Variants in ELFN2 observed in about 807,000 individuals in gnomAD.
ELFN2 encodes the protein extracellular leucine rich repeat and fibronectin type III domain containing 2.
ELFN2 carries 17 observed loss-of-function variants against 45.5 expected under a neutral mutation model. The observed-to-expected ratio is 0.37, with a 90% CI of 0.26 to 0.56. The LOEUF (loss-of-function observed/expected upper bound fraction) is 0.56. ELFN2 is among the 20% of genes least tolerant of loss of function. The pLI is 0.77. For synonymous variants in ELFN2, 550 were observed against 551.5 expected (o/e 1.00, Z 0.04); for missense variants, 922 against 1,183.2 (o/e 0.78, Z 3.24).
At chr22:37,403,467 G>T (rs73884041) in intron 2 of ELFN2, among the ~76,000 whole-genome samples, 2,959 of 152,236 alleles carry the variant, frequency 0.019, 101 homozygotes, top group African/African-American at 0.068. Flanking sequence ...TCTGGGTCCC[G>T]GTTGCCTGGG....
chr22:37,344,959 C>G (rs1930660382), intron 1 of ELFN2, among the ~76,000 whole-genome samples: 1 of 152,170 alleles, frequency 6.6e-6, no homozygotes, highest in African/African-American at 2.4e-5. Flanking sequence ...CGTTCTCTTC[C>G]CTGCTGTCAG....
At chr22:37,406,856 C>T (rs76389630) in intron 2 of ELFN2, among the ~76,000 whole-genome samples, 3,051 of 152,202 alleles carry the variant, frequency 0.02, 120 homozygotes, top group African/African-American at 0.071. Context: ...ATGAAGGAGA[C>T]GTGGTCAGAA....
chr22:37,413,699 T>A (rs1331237682), intron 2 of ELFN2, among the ~76,000 whole-genome samples: 1 of 152,200 alleles, frequency 6.6e-6, no homozygotes, highest in Non-Finnish European at 1.5e-5. Context: ...ATCCCCATTT[T>A]ACAGACAAGT....
Position 37,407,000 on chromosome 22 carries a change from T to C in ELFN2, c.-463+10769A>G, listed in dbSNP as rs527536196. On this transcript the variant is annotated intron_variant, in intron 2 of 2. Transcript: ENST00000402918. ...GAGAGGCCCAGAACAGGTGCCCCAG[T>C]AGGCATGCAGCCCATGGCCTTGGCC... 3.3e-5 allele frequency among the ~76,000 whole-genome samples: 5 copies of C among 152,342 alleles called. No individual in the cohort carries two copies. In the East Asian group the frequency reaches 9.6e-4, roughly 29 times the overall value.
chr22:37,376,834 G>A (rs1339424818), intron 2 of ELFN2, among the ~76,000 whole-genome samples: 1 of 152,230 alleles, frequency 6.6e-6, no homozygotes, highest in Non-Finnish European at 1.5e-5. Context: ...GAGGGGGCCA[G>A]CCTTCTGGAG....
chr22:37,386,189 G>C (rs1007078161), intron 2 of ELFN2, among the ~76,000 whole-genome samples: 2 of 152,148 alleles, frequency 1.3e-5, no homozygotes, highest in African/African-American at 4.8e-5. Flanking sequence ...AGCTGGCCTA[G>C]CCTAGGTGCT....
At chr22:37,349,201 G>A (rs749037476) in intron 1 of ELFN2, among the ~76,000 whole-genome samples, 2 of 151,186 alleles carry the variant, frequency 1.3e-5, no homozygotes, top group Non-Finnish European at 3.0e-5. Context: ...TCCCAGCCCC[G>A]CCACTTAGCT....
At chr22:37,345,837 C>T (rs1048031531) in intron 1 of ELFN2, among the ~76,000 whole-genome samples, 4 of 152,216 alleles carry the variant, frequency 2.6e-5, no homozygotes, top group African/African-American at 7.2e-5. Context: ...TGAGCCACCA[C>T]ACCCGGCCAT....
intron 1 of ELFN2, among the ~76,000 whole-genome samples, chr22:37,423,110 C>T (rs1932822455): frequency 6.6e-6 from 1 of 152,120 alleles, no homozygotes; most frequent in South Asian, 2.1e-4. Context: ...AGATACTGAT[C>T]CTGGGGCAAC....
rs763083 is a variant in ELFN2 at position 37,370,027 on chromosome 22, G to A, written c.*3045C>T. ...GGGACACAGATGCAGGCCAGCCTCC[G>A]GGTGGGCTCTCCCCAAGCTGAGCAG... On this transcript the variant is annotated 3_prime_UTR_variant, in exon 3 of 3. Transcript: ENST00000402918. The A allele has an allele frequency of 0.32, 48,590 of 152,090 alleles. 8,052 individuals carry two copies. The highest frequency in any genetic ancestry group is 0.49 in the South Asian group (2,344 of 4,822). 9.4% of individuals were successfully genotyped at this position (152,090 alleles called of 1,614,324 possible).
At chr22:37,352,199 GTTA>G (rs1460356723) in intron 1 of ELFN2, 3 of 151,034 alleles carry the variant, frequency 2.0e-5, no homozygotes, top group East Asian at 3.9e-4. Context: ...GTTTTCTTTC[GTTA>G]TTATTAATTA....
chr22:37,358,134 C>T (rs980838725), intron 1 of ELFN2, among the ~76,000 whole-genome samples: 38 of 152,214 alleles, frequency 2.5e-4, no homozygotes, highest in Middle Eastern at 3.4e-3. Flanking sequence ...CTGGCCAGTA[C>T]GGGAGAGCAC....
At position 37,368,290 on chromosome 22, in the gene ELFN2, G is replaced by C. The variant is rs1438486893; in HGVS notation, c.*4782C>G. 6.6e-6 allele frequency: 1 copy of C among 152,426 alleles called. No homozygotes were observed. Among genetic ancestry groups the C allele is most frequent in the Non-Finnish European group, 1.5e-5 (1 of 68,236 alleles). The allele number at this position is 152,426 out of a possible 1,614,324, so 9.4% of individuals were successfully genotyped here. On this transcript the variant is annotated 3_prime_UTR_variant, in exon 3 of 3. Coordinates refer to ENST00000402918, the MANE Select transcript of ELFN2 (RefSeq NM_052906.5). ...GGACTGGCGGCTCCTGAGGAAGGGAGGGAGGGAGGGAAGTGTGGCCGCCAC... is the reference window on the plus strand; with the variant it reads ...GGACTGGCGGCTCCTGAGGAAGGGACGGAGGGAGGGAAGTGTGGCCGCCAC...
chr22:37,408,705 G>C (rs148193912), intron 2 of ELFN2, among the ~76,000 whole-genome samples: 80 of 152,304 alleles, frequency 5.3e-4, no homozygotes, highest in African/African-American at 1.8e-3. Flanking sequence ...AGGCAGTCAG[G>C]TTCAGATGGC....
At chr22:37,407,777 C>T (rs1932542756) in intron 2 of ELFN2, among the ~76,000 whole-genome samples, 1 of 152,058 alleles carries the variant, frequency 6.6e-6, no homozygotes, top group Non-Finnish European at 1.5e-5. Flanking sequence ...CGCCTGTAGT[C>T]CCAGCTACTC....
intron 1 of ELFN2, among the ~76,000 whole-genome samples, chr22:37,344,285 C>T (rs933784171): frequency 2.7e-5 from 4 of 149,394 alleles, no homozygotes; most frequent in Non-Finnish European, 5.9e-5. Context: ...GCCACCAACC[C>T]TCCCACAGCC....
chr22:37,355,598 CA>C (rs59345109), intron 1 of ELFN2, among the ~76,000 whole-genome samples: 55,231 of 149,426 alleles, frequency 0.37, 10,223 homozygotes, highest in Middle Eastern at 0.45. Flanking sequence ...TCTCCCCACC[CA>C]AAGGGCTCCC....
chr22:37,411,913 C>T (rs1339495697), intron 2 of ELFN2, among the ~76,000 whole-genome samples: 2 of 152,102 alleles, frequency 1.3e-5, no homozygotes, highest in East Asian at 3.9e-4. Flanking sequence ...CACCACCAAA[C>T]AGGCCTTCCT....
chr22:37,375,790 T>C lies in ELFN2; in HGVS notation c.-256A>G, dbSNP rs113086500. ...CTCCCCACCGCAGCGTTGCTCCTTGTCTCCTGCTAGGAAGGTGCAAGGGTT... is the reference window on the plus strand; with the variant it reads ...CTCCCCACCGCAGCGTTGCTCCTTGCCTCCTGCTAGGAAGGTGCAAGGGTT... On this transcript the variant is annotated 5_prime_UTR_variant, in exon 3 of 3. Transcript: ENST00000402918. 1 of 549,302 alleles carries C rather than the reference T, an allele frequency of 1.8e-6. No individual in the cohort carries two copies. The highest frequency in any genetic ancestry group is 2.0e-5 in the African/African-American group (1 of 49,832). 34.0% of individuals were successfully genotyped at this position (549,302 alleles called of 1,614,324 possible). A position where few individuals can be genotyped will look rare whatever the true frequency, so the allele number is the denominator to read the frequency against.
Sources: allele counts gnomAD v4.1 joint callset (sites outside exome capture counted in the v4.1 genomes callset), GRCh38; gene constraint gnomAD v4.1.1; transcripts MANE v1.5; gene names NCBI Gene and HGNC (gene_info 2026-07-23, HGNC 2026-07-21).